Variants in ADAMTS3 observed in about 807,000 individuals in gnomAD.
The protein encoded by ADAMTS3 is A disintegrin and metalloproteinase with thrombospondin motifs 3.
A neutral mutation model predicts 129.0 loss-of-function variants in ADAMTS3; 73 were observed. The ratio of observed to expected loss-of-function variants is 0.57; its 90% CI spans 0.47 to 0.69. The LOEUF is 0.69. Ranked by LOEUF, ADAMTS3 falls within the 30% of genes least tolerant of loss-of-function variation. The pLI is 0.00. For missense variants in ADAMTS3, 1,457 were observed against 1,514.5 expected (o/e 0.96, Z 0.63); for synonymous variants, 477 against 510.8 (o/e 0.93, Z 0.89).
At chr4:72,399,087 G>GT (rs1364704987) in intron 4 of ADAMTS3, among the ~76,000 whole-genome samples, 4 of 152,128 alleles carry the variant, frequency 2.6e-5, no homozygotes, top group Non-Finnish European at 4.4e-5. Context: ...AGTTTTAAAA[G>GT]TACTTGCAAA....
intron 3 of ADAMTS3, among the ~76,000 whole-genome samples, chr4:72,538,639 T>C (rs547370565): frequency 8.5e-5 from 13 of 152,236 alleles, no homozygotes; most frequent in African/African-American, 3.1e-4. Context: ...GACTTTTTTT[T>C]GGCAGAAGTT....
chr4:72,339,513 A>T lies in ADAMTS3; in HGVS notation c.842T>A (p.Leu281His). The T allele has an allele frequency of 1.9e-6, 3 of 1,613,922 alleles. No individual in the cohort carries two copies. Among genetic ancestry groups the T allele is most frequent in the Non-Finnish European group, 2.5e-6 (3 of 1,179,830 alleles). Residue 281 changes from leucine (L) to histidine (H), a missense_variant, in exon 5 of 22, where the codon CTC becomes CAC. Transcript: ENST00000286657. ...ACTCACAATGTTCATTAGGGTCAGG[A>T]GGTAGTTTTGGACGTGCTCTTTGCC... is the stretch of plus-strand genomic sequence containing the variant. ...FHGKEHVQNY[L>H]LTLMNIVNEI...
intron 3 of ADAMTS3, among the ~76,000 whole-genome samples, chr4:72,464,571 A>C (rs1217237066): frequency 6.6e-6 from 1 of 152,068 alleles, no homozygotes; most frequent in East Asian, 1.9e-4. Flanking sequence ...CATTTATTGA[A>C]CATTTACTCT....
At chr4:72,413,675 C>A (rs1468330932) in intron 4 of ADAMTS3, among the ~76,000 whole-genome samples, 5 of 151,810 alleles carry the variant, frequency 3.3e-5, no homozygotes, top group Admixed American at 1.3e-4. Flanking sequence ...TATATTACTT[C>A]TTTTTTCATT....
intron 3 of ADAMTS3, among the ~76,000 whole-genome samples, chr4:72,415,467 TAA>T (rs1031673564): frequency 1.3e-4 from 20 of 152,062 alleles, no homozygotes; most frequent in African/African-American, 3.1e-4. Flanking sequence ...CTTCAGTATG[TAA>T]AGTTATTTCT....
intron 4 of ADAMTS3, among the ~76,000 whole-genome samples, chr4:72,385,797 C>A (rs1721428994): frequency 6.6e-6 from 1 of 152,112 alleles, no homozygotes; most frequent in South Asian, 2.1e-4. Context: ...TAAACCTCAG[C>A]ATCATGCAAT....
chr4:72,384,132 A>T (rs1721374674), intron 4 of ADAMTS3, among the ~76,000 whole-genome samples: 2 of 152,136 alleles, frequency 1.3e-5, no homozygotes, highest in African/African-American at 2.4e-5. Context: ...AGAAAGAGAA[A>T]ACAGTTTGAA....
chr4:72,348,631 G>T (rs1456315990), intron 4 of ADAMTS3, among the ~76,000 whole-genome samples: 1 of 151,972 alleles, frequency 6.6e-6, no homozygotes, highest in East Asian at 1.9e-4. Context: ...CATTATCCAG[G>T]TGGGCCTGAT....
At position 72,315,841 on chromosome 4, in the gene ADAMTS3, T is replaced by G; in HGVS notation, c.1599+17A>C. ...CAACATATCTTACATATTTATTGTGTAAATAGATATACTCACTTTTCCAGC... is the reference window on the plus strand; with the variant it reads ...CAACATATCTTACATATTTATTGTGGAAATAGATATACTCACTTTTCCAGC... On this transcript the variant is annotated intron_variant, in intron 11 of 21. Transcript: ENST00000286657. 5 of 1,465,732 alleles carry G rather than the reference T, an allele frequency of 3.4e-6. No individual in the cohort carries two copies. The highest frequency in any genetic ancestry group is 4.8e-6 in the Non-Finnish European group (5 of 1,050,530). The allele number at this position is 1,465,732 out of a possible 1,614,324, so 90.8% of individuals were successfully genotyped here. A position where few individuals can be genotyped will look rare whatever the true frequency, so the allele number is the denominator to read the frequency against.
At chr4:72,376,570 G>T (rs139036585) in intron 4 of ADAMTS3, among the ~76,000 whole-genome samples, 1 of 152,220 alleles carries the variant, frequency 6.6e-6, no homozygotes, top group East Asian at 1.9e-4. Context: ...GGGGAGCTTA[G>T]TAAACCATAG....
At chr4:72,298,237 T>G (rs1300777082) in intron 18 of ADAMTS3, 40 bp downstream of exon 18, 1 of 1,555,136 alleles carries the variant, frequency 6.4e-7, no homozygotes, top group Non-Finnish European at 8.8e-7. Context: ...GGTTTTTATA[T>G]GCATTACATT....
chr4:72,561,398 G>A (rs146321948), intron 2 of ADAMTS3, among the ~76,000 whole-genome samples: 12 of 151,996 alleles, frequency 7.9e-5, no homozygotes, highest in East Asian at 1.9e-4. Flanking sequence ...CCAGCTACTC[G>A]GGAGGCTGAG....
At chr4:72,321,657 C>A (rs772858759) in intron 6 of ADAMTS3, among the ~76,000 whole-genome samples, 2 of 151,974 alleles carry the variant, frequency 1.3e-5, no homozygotes, top group Non-Finnish European at 2.9e-5. Context: ...TTATTTTTTA[C>A]GATCCAGAAT....
intron 3 of ADAMTS3, among the ~76,000 whole-genome samples, chr4:72,433,043 T>C (rs1044729947): frequency 6.6e-6 from 1 of 151,950 alleles, no homozygotes; most frequent in African/African-American, 2.4e-5. Context: ...GGCTGCCAAA[T>C]GGCTGAACCA....
At chr4:72,407,799 T>A (rs1201396707) in intron 4 of ADAMTS3, among the ~76,000 whole-genome samples, 2 of 152,158 alleles carry the variant, frequency 1.3e-5, no homozygotes, top group African/African-American at 4.8e-5. Context: ...AAAACTTCTT[T>A]TCATTCAGAC....
intron 4 of ADAMTS3, among the ~76,000 whole-genome samples, chr4:72,385,690 G>A (rs1721427139): frequency 6.6e-6 from 1 of 152,014 alleles, no homozygotes; most frequent in Non-Finnish European, 1.5e-5. Context: ...GACAAAGTAG[G>A]CCTCAAGGAA....
intron 4 of ADAMTS3, among the ~76,000 whole-genome samples, chr4:72,381,769 CAGGAGTACAGCCCAAGGCT>C (rs1721294752): frequency 8.6e-6 from 1 of 116,194 alleles, no homozygotes; most frequent in African/African-American, 3.2e-5. Flanking sequence ...TACCATTTTG[CAGGAGTACAGCCCAAGGCT>C]AGGATCTACA....
At position 72,311,047 on chromosome 4, in the gene ADAMTS3, C is replaced by G; in HGVS notation, c.2055+1G>C. On this transcript the variant is annotated splice_donor_variant, in intron 14 of 21. Transcript: ENST00000286657. LOFTEE classifies it high-confidence loss of function. ...CCTTTGGGGAAGCAATTTGAACTTACCACACACTCTCCTCGCACACATATG... is the reference window on the plus strand; with the variant it reads ...CCTTTGGGGAAGCAATTTGAACTTAGCACACACTCTCCTCGCACACATATG... 2 of 1,594,476 alleles carry G rather than the reference C, an allele frequency of 1.3e-6. No homozygotes were observed. The highest frequency in any genetic ancestry group is 1.7e-6 in the Non-Finnish European group (2 of 1,168,128).
At chr4:72,373,953 G>T (rs1721078598) in intron 4 of ADAMTS3, among the ~76,000 whole-genome samples, 1 of 149,344 alleles carries the variant, frequency 6.7e-6, no homozygotes, top group African/African-American at 2.5e-5. Flanking sequence ...ATAATAATAG[G>T]AAAGTATCTG....
Sources: gnomAD v4.1 joint callset for allele counts (sites outside exome capture counted in the v4.1 genomes callset) on GRCh38, gnomAD v4.1.1 for gene constraint, MANE v1.5 for transcripts, NCBI Gene and HGNC (gene_info 2026-07-23, HGNC 2026-07-21) for gene names.